Variants in SMYD3 observed in about 807,000 individuals in gnomAD.
The protein encoded by SMYD3 is histone-lysine N-methyltransferase SMYD3.
A neutral mutation model predicts 57.7 loss-of-function variants in SMYD3; 36 were observed. The ratio of observed to expected loss-of-function variants is 0.62; its 90% CI spans 0.48 to 0.82. The LOEUF is 0.82. Ranked by LOEUF, SMYD3 falls within the 40% of genes least tolerant of loss-of-function variation. SMYD3 has a pLI of 0.00. For synonymous variants in SMYD3, 211 were observed against 195.0 expected (o/e 1.08, Z -0.68); for missense variants, 515 against 538.8 (o/e 0.96, Z 0.44).
Position 245,957,523 on chromosome 1 carries a change from A to G in SMYD3, c.532-27586T>C, listed in dbSNP as rs573164615. Reference sequence around the variant, plus strand: ...CTTCTCTAACTTGAGCTATCATTTCACTAAAATAACTCAACTCTTTCTTTT... The same window carrying G: ...CTTCTCTAACTTGAGCTATCATTTCGCTAAAATAACTCAACTCTTTCTTTT... On this transcript the variant is annotated intron_variant, in intron 5 of 11. Coordinates refer to ENST00000490107, the MANE Select transcript of SMYD3 (RefSeq NM_001167740.2). Among the ~76,000 whole-genome samples, 4 of 152,330 alleles carry G rather than the reference A, an allele frequency of 2.6e-5. No individual in the cohort carries two copies. The South Asian group carries it at 8.3e-4, about 32-fold the overall frequency.
At chr1:246,042,669 T>C (rs1410840852) in intron 5 of SMYD3, among the ~76,000 whole-genome samples, 2 of 152,188 alleles carry the variant, frequency 1.3e-5, no homozygotes, top group Non-Finnish European at 2.9e-5. Context: ...TCTTACACGG[T>C]TTCCTTTGTA....
chr1:246,011,019 C>T (rs1443298290), intron 5 of SMYD3, among the ~76,000 whole-genome samples: 1 of 152,140 alleles, frequency 6.6e-6, no homozygotes, highest in African/African-American at 2.4e-5. Context: ...CATATGCGGC[C>T]CAGGAAGAGC....
intron 10 of SMYD3, among the ~76,000 whole-genome samples, chr1:245,824,867 A>AC (rs1454777859): frequency 6.6e-6 from 1 of 150,994 alleles, no homozygotes; most frequent in Non-Finnish European, 1.5e-5. Flanking sequence ...AAAAAAAAAA[A>AC]AACAAAAAAA....
intron 10 of SMYD3, among the ~76,000 whole-genome samples, chr1:245,802,184 A>G (rs1483925333): frequency 6.6e-6 from 1 of 152,206 alleles, no homozygotes; most frequent in African/African-American, 2.4e-5. Context: ...GTAAACCTGC[A>G]TTTAAGCAAC....
chr1:246,339,129 CTG>C (rs1198445010), intron 2 of SMYD3, among the ~76,000 whole-genome samples: 2 of 152,148 alleles, frequency 1.3e-5, no homozygotes, highest in Non-Finnish European at 2.9e-5. Flanking sequence ...CAAAGGAAGA[CTG>C]TATTTTAAGA....
At chr1:246,307,641 G>C (rs1026750416) in intron 5 of SMYD3, among the ~76,000 whole-genome samples, 4 of 151,766 alleles carry the variant, frequency 2.6e-5, no homozygotes, top group Non-Finnish European at 2.9e-5. Context: ...GGATGGTCTC[G>C]ATCTCCTGAC....
At chr1:246,447,818 A>G in intron 1 of SMYD3, among the ~76,000 whole-genome samples, 1 of 152,206 alleles carries the variant, frequency 6.6e-6, no homozygotes, top group Admixed American at 6.5e-5. Context: ...TTTCACTTCC[A>G]GCTTTTTAAG....
At chr1:246,069,510 G>T (rs2060405316) in intron 5 of SMYD3, among the ~76,000 whole-genome samples, 1 of 152,264 alleles carries the variant, frequency 6.6e-6, no homozygotes, top group African/African-American at 2.4e-5. Flanking sequence ...CTATGCTGTT[G>T]CCAGAGATTA....
In SMYD3 at chr1:246,277,814, G is replaced by A. The variant is rs370625579; in HGVS notation, c.531+49387C>T. ...TTCCATTTCTTCAAAATTCAAAACA[G>A]ACAAAAGTCATCTATAGATACAAAG... is the stretch of plus-strand genomic sequence containing the variant. On this transcript the variant is annotated intron_variant, in intron 5 of 11. Transcript: ENST00000490107. 5.3e-5 allele frequency among the ~76,000 whole-genome samples: 8 copies of A among 152,238 alleles called. No individual in the cohort carries two copies. The East Asian group carries it at 1.5e-3, about 29-fold the overall frequency.
intron 10 of SMYD3, among the ~76,000 whole-genome samples, chr1:245,786,016 A>G (rs554383559): frequency 9.2e-4 from 140 of 151,720 alleles, no homozygotes; most frequent in Non-Finnish European, 2.5e-4. Context: ...GAATTTTCTA[A>G]GAGCCTTTTA....
chr1:245,995,049 C>A (rs986954572), intron 5 of SMYD3, among the ~76,000 whole-genome samples: 1 of 151,962 alleles, frequency 6.6e-6, no homozygotes, highest in African/African-American at 2.4e-5. Flanking sequence ...GCCGAGATTG[C>A]GCCACTGCAC....
chr1:245,887,922 C>A (rs2053175925), intron 8 of SMYD3, among the ~76,000 whole-genome samples: 2 of 152,042 alleles, frequency 1.3e-5, no homozygotes, highest in Admixed American at 1.3e-4. Flanking sequence ...TGCTGAAAGA[C>A]TGGAGATGAA....
intron 1 of SMYD3, among the ~76,000 whole-genome samples, chr1:246,403,368 C>T (rs1399289310): frequency 6.6e-6 from 1 of 152,100 alleles, no homozygotes; most frequent in Non-Finnish European, 1.5e-5. Context: ...AATGATGGCA[C>T]ATGCCTGTAG....
chr1:245,835,912 G>A (rs577522946), intron 10 of SMYD3, among the ~76,000 whole-genome samples: 20 of 152,266 alleles, frequency 1.3e-4, no homozygotes, highest in African/African-American at 4.8e-4. Flanking sequence ...CGTTAACAGT[G>A]CCTGTGGGCA....
rs1248660506 is a variant in SMYD3, at chr1:245,824,862, AAAAAAAAC to A, written c.1076+33626_1076+33633del. Among the ~76,000 whole-genome samples the A allele has an allele frequency of 3.3e-5, 5 of 151,192 alleles. No individual in the cohort carries two copies. The East Asian group carries it at 9.7e-4, about 29-fold the overall frequency. On this transcript the variant is annotated intron_variant, in intron 10 of 11. Coordinates refer to ENST00000490107, the MANE Select transcript of SMYD3 (RefSeq NM_001167740.2). ...CAAGAACGAAACTCCGTCTCAAAAAAAAAAAAACAAAAAAAAAAATTAGTCGGGTGTGG... is the reference window on the plus strand; with the variant it reads ...CAAGAACGAAACTCCGTCTCAAAAAAAAAAAAAAAAATTAGTCGGGTGTGG...
chr1:245,989,359 T>C (rs560300073), intron 5 of SMYD3, among the ~76,000 whole-genome samples: 39 of 152,368 alleles, frequency 2.6e-4, no homozygotes, highest in Admixed American at 5.2e-4. Flanking sequence ...CTTAATTTCA[T>C]TGTGTACTTT....
chr1:246,464,073 T>G (rs915656442), intron 1 of SMYD3, among the ~76,000 whole-genome samples: 2 of 151,856 alleles, frequency 1.3e-5, no homozygotes, highest in African/African-American at 4.8e-5. Context: ...TTTGAGAAAT[T>G]TGGTTATGAA....
chr1:245,888,414 C>G (rs1314466111), intron 8 of SMYD3, among the ~76,000 whole-genome samples: 1 of 151,940 alleles, frequency 6.6e-6, no homozygotes, highest in Non-Finnish European at 1.5e-5. Context: ...CTAAAAGTTC[C>G]CTCTTGATGT....
intron 8 of SMYD3, among the ~76,000 whole-genome samples, chr1:245,904,160 T>C (rs1170383877): frequency 6.6e-6 from 1 of 152,134 alleles, no homozygotes; most frequent in Non-Finnish European, 1.5e-5. Flanking sequence ...GGGAAGAACC[T>C]GGTGGGAGGT....
Sources: allele counts gnomAD v4.1 joint callset (sites outside exome capture counted in the v4.1 genomes callset), GRCh38; gene constraint gnomAD v4.1.1; transcripts MANE v1.5; gene names NCBI Gene and HGNC (gene_info 2026-07-23, HGNC 2026-07-21).